Variants in SKAP1 observed in about 807,000 individuals in gnomAD.
The protein encoded by SKAP1 is src kinase-associated phosphoprotein 1.
Under a neutral mutation model 58.5 loss-of-function variants are expected in SKAP1, and 44 were observed. The ratio of observed to expected loss-of-function variants is 0.75; its 90% CI spans 0.59 to 0.97. The LOEUF (loss-of-function observed/expected upper bound fraction) is 0.97. Ranked by LOEUF, SKAP1 falls within the 50% of genes least tolerant of loss-of-function variation. The pLI is 0.00. For missense variants in SKAP1, 390 were observed against 435.2 expected (o/e 0.90, Z 0.92); for synonymous variants, 127 against 149.7 (o/e 0.85, Z 1.11).
chr17:48,158,575 A>AAAAAAAC (rs1477429924), intron 11 of SKAP1, among the ~76,000 whole-genome samples: 1 of 149,206 alleles, frequency 6.7e-6, no homozygotes, highest in Non-Finnish European at 1.5e-5. Context: ...CTCAAAAAAA[A>AAAAAAAC]AAAAAAAAAG....
At chr17:48,317,992 A>G (rs2066311367) in intron 4 of SKAP1, among the ~76,000 whole-genome samples, 1 of 152,256 alleles carries the variant, frequency 6.6e-6, no homozygotes, top group Non-Finnish European at 1.5e-5. Flanking sequence ...GAAAAGATTT[A>G]GAAAGTGTAA....
intron 4 of SKAP1, among the ~76,000 whole-genome samples, chr17:48,242,286 A>G (rs2924256): frequency 0.83 from 126,716 of 152,180 alleles, 52,812 homozygotes; most frequent in East Asian, 0.95. Flanking sequence ...CAGTGTGCCT[A>G]GAAAGGCATG....
chr17:48,315,969 A>G (rs910935234), intron 4 of SKAP1, among the ~76,000 whole-genome samples: 2 of 152,226 alleles, frequency 1.3e-5, no homozygotes, highest in Non-Finnish European at 2.9e-5. Context: ...CATTTGGGAT[A>G]AGGGATACTC....
At chr17:48,432,428 C>CAAAA (rs200081330), upstream of SKAP1, among the ~76,000 whole-genome samples, 7 of 149,706 alleles carry the variant, frequency 4.7e-5, no homozygotes, top group African/African-American at 9.8e-5. Context: ...GACTCCATCT[C>CAAAA]AAAAAAAAGA....
intron 1 of SKAP1, among the ~76,000 whole-genome samples, chr17:48,411,623 A>AT (rs1229163306): frequency 3.3e-5 from 5 of 152,152 alleles, no homozygotes; most frequent in Non-Finnish European, 7.4e-5. Context: ...GACAAACATC[A>AT]TATCAGCCAG....
Position 48,180,144 on chromosome 17 carries a change from G to C in SKAP1, c.736C>G (p.Gln246Glu). The change falls in exon 9 of 13, where the codon CAG (glutamine) becomes GAG (glutamate). Residue 246 changes from glutamine (Q) to glutamate (E), a missense_variant. Gln to Glu is a conservative substitution (Grantham distance 29, BLOSUM62 2). Transcript: ENST00000336915. Reference protein sequence around the residue: ...DGFDSPSCGSQCRPTILPGSV... With the variant: ...DGFDSPSCGSECRPTILPGSV... ...CCAGGCAAGATAGTGGGTCTGCACT[G>C]GGAACCACAACTTGGGGAGTCAAAA... 1 of 1,613,952 alleles carries C rather than the reference G, an allele frequency of 6.2e-7. No individual in the cohort carries two copies. Among genetic ancestry groups the C allele is most frequent in the South Asian group, 1.1e-5 (1 of 91,062 alleles).
intron 2 of SKAP1, among the ~76,000 whole-genome samples, chr17:48,391,288 T>C (rs1269792389): frequency 6.6e-6 from 1 of 152,132 alleles, no homozygotes; most frequent in East Asian, 1.9e-4. Context: ...ATAAACAAAA[T>C]AATCATTATG....
intron 4 of SKAP1, among the ~76,000 whole-genome samples, chr17:48,211,791 C>T (rs536104369): frequency 4.5e-4 from 69 of 152,226 alleles, no homozygotes; most frequent in African/African-American, 1.6e-3. Context: ...CTTTCCTCTT[C>T]AGGCTCTTTC....
chr17:48,307,348 G>A (rs923295988), intron 4 of SKAP1: 1 of 152,322 alleles, frequency 6.6e-6, no homozygotes, highest in African/African-American at 2.4e-5. Context: ...AAAAGAGAGA[G>A]AAAGGGAGAG....
At chr17:48,384,826 G>T (rs959053327) in intron 2 of SKAP1, among the ~76,000 whole-genome samples, 1 of 152,200 alleles carries the variant, frequency 6.6e-6, no homozygotes, top group Non-Finnish European at 1.5e-5. Context: ...GCAATATGCT[G>T]TCTGGTGCCT....
chr17:48,327,027 A>T (rs2066446824), intron 4 of SKAP1, among the ~76,000 whole-genome samples: 1 of 151,742 alleles, frequency 6.6e-6, no homozygotes, highest in African/African-American at 2.4e-5. Flanking sequence ...AGTAGCTGGG[A>T]CTATAGGCGT....
intron 11 of SKAP1, among the ~76,000 whole-genome samples, chr17:48,142,140 A>G (rs1339742146): frequency 6.6e-6 from 1 of 152,158 alleles, no homozygotes; most frequent in Non-Finnish European, 1.5e-5. Flanking sequence ...TCAGCACTAT[A>G]TCCAGCACAG....
At chr17:48,350,486 C>T (rs1412998707) in intron 3 of SKAP1, among the ~76,000 whole-genome samples, 2 of 152,010 alleles carry the variant, frequency 1.3e-5, no homozygotes, top group Admixed American at 6.6e-5. Context: ...ACCTGAGTTT[C>T]GGGTTTGAGA....
intron 4 of SKAP1, among the ~76,000 whole-genome samples, chr17:48,264,595 C>T (rs1044624976): frequency 5.3e-5 from 8 of 151,824 alleles, no homozygotes; most frequent in African/African-American, 1.7e-4. Flanking sequence ...CCAAAGAGAC[C>T]CATAAAGATA....
At chr17:48,183,743 A>G (rs1236631131) in intron 7 of SKAP1, among the ~76,000 whole-genome samples, 1 of 152,128 alleles carries the variant, frequency 6.6e-6, no homozygotes, top group Admixed American at 6.5e-5. Flanking sequence ...AAGACTCTAT[A>G]GAAAAGTTTT....
intron 4 of SKAP1, among the ~76,000 whole-genome samples, chr17:48,207,485 CAAAA>C (rs11367185): frequency 6.7e-5 from 7 of 103,774 alleles, no homozygotes; most frequent in Admixed American, 1.9e-4. Flanking sequence ...GACTCTGTCT[CAAAA>C]AAAAAAAAAA....
intron 8 of SKAP1, among the ~76,000 whole-genome samples, chr17:48,182,096 C>T (rs575138301): frequency 5.3e-5 from 8 of 151,738 alleles, no homozygotes; most frequent in African/African-American, 1.5e-4. Flanking sequence ...TAGGAGACAC[C>T]GAATTGGGCT....
chr17:48,353,872 T>G (rs1598605245), intron 3 of SKAP1, among the ~76,000 whole-genome samples: 1 of 134,230 alleles, frequency 7.4e-6, no homozygotes, highest in African/African-American at 2.9e-5. Context: ...CACTCCAGCC[T>G]GGGTGACAGA....
intron 4 of SKAP1, among the ~76,000 whole-genome samples, chr17:48,288,448 G>T (rs1202552079): frequency 6.6e-6 from 1 of 152,208 alleles, no homozygotes; most frequent in Non-Finnish European, 1.5e-5. Flanking sequence ...CAATTTGGGA[G>T]GCCAACGTGG....
Sources: allele counts gnomAD v4.1 joint callset (sites outside exome capture counted in the v4.1 genomes callset), GRCh38; gene constraint gnomAD v4.1.1; transcripts MANE v1.5; gene names NCBI Gene and HGNC (gene_info 2026-07-23, HGNC 2026-07-21).